The following FBXL2 variants were observed in gnomAD, a reference collection of about 807,000 sequenced individuals.
FBXL2 encodes the protein F-box and leucine rich repeat protein 2.
In FBXL2, 38 loss-of-function variants were observed where a neutral mutation model predicts 69.2. That is an observed-to-expected ratio of 0.55 (90% CI 0.42 to 0.72). FBXL2 has a LOEUF of 0.72. FBXL2 is among the 30% of genes least tolerant of loss of function. The pLI is 0.00. For missense variants in FBXL2, 354 were observed against 520.3 expected (o/e 0.68, Z 3.11); for synonymous variants, 192 against 201.3 (o/e 0.95, Z 0.39).
In FBXL2 at chr3:33,318,534, A is replaced by T. The variant is rs114262707; in HGVS notation, c.65+20809A>T. 7.1e-3 allele frequency among the ~76,000 whole-genome samples: 1,077 copies of T among 152,274 alleles called. 15 individuals are homozygous for T. The highest frequency in any genetic ancestry group is 0.024 in the African/African-American group (983 of 41,554). On this transcript the variant is annotated intron_variant, in intron 2 of 14. Coordinates refer to ENST00000484457, the MANE Select transcript of FBXL2 (RefSeq NM_012157.5). ...TGTCCAGATAATCATAAGCAATTAT[A>T]TTACATAACATGTCTTTATCTTGCC...
chr3:33,346,558 C>T (rs1437252794), intron 2 of FBXL2, among the ~76,000 whole-genome samples: 1 of 151,572 alleles, frequency 6.6e-6, no homozygotes, highest in Non-Finnish European at 1.5e-5. Context: ...GACCCCGTCT[C>T]TAAAAATAAA....
chr3:33,368,424 A>T (rs1420207240), intron 5 of FBXL2, among the ~76,000 whole-genome samples: 1 of 151,890 alleles, frequency 6.6e-6, no homozygotes, highest in Non-Finnish European at 1.5e-5. Flanking sequence ...TTTTTCATTG[A>T]TTGTCCTTCT....
intron 12 of FBXL2, among the ~76,000 whole-genome samples, chr3:33,398,983 A>T (rs2044118209): frequency 1.3e-5 from 2 of 152,236 alleles, no homozygotes; most frequent in African/African-American, 4.8e-5. Flanking sequence ...AGAGACAAAG[A>T]AGTACACGGG....
At chr3:33,292,995 A>C (rs2035391853) in intron 1 of FBXL2, among the ~76,000 whole-genome samples, 1 of 152,200 alleles carries the variant, frequency 6.6e-6, no homozygotes. Context: ...TATGCAGCAA[A>C]GTGACAAATG....
intron 2 of FBXL2, among the ~76,000 whole-genome samples, chr3:33,347,535 C>T (rs1370939775): frequency 6.6e-6 from 1 of 152,114 alleles, no homozygotes; most frequent in Non-Finnish European, 1.5e-5. Flanking sequence ...GGTATATACC[C>T]AGCAGTGGAA....
At chr3:33,365,338 G>A (rs968213700) in intron 5 of FBXL2, among the ~76,000 whole-genome samples, 12 of 150,756 alleles carry the variant, frequency 8.0e-5, no homozygotes, top group African/African-American at 2.7e-4. Flanking sequence ...GGAGTGCAAC[G>A]GCACAATCTC....
chr3:33,401,028 GGAGA>G (rs750484076), intron 12 of FBXL2: 1 of 1,581,866 alleles, frequency 6.3e-7, no homozygotes, highest in Non-Finnish European at 8.6e-7. Flanking sequence ...TGGGGAGAAA[GGAGA>G]AAGAAGGAAA....
chr3:33,384,165 C>A lies in FBXL2; in HGVS notation c.1128C>A (p.Cys376Ter). 1 of 1,614,130 alleles carries A rather than the reference C, an allele frequency of 6.2e-7. No individual in the cohort carries two copies. The highest frequency in any genetic ancestry group is 8.5e-7 in the Non-Finnish European group (1 of 1,180,012). Reference sequence around the variant, plus strand: ...TGGAGCGCCTCGAGCTGTACGACTGCCAGCAGGTTACCCGTGCAGGCATCA... The same window carrying A: ...TGGAGCGCCTCGAGCTGTACGACTGACAGCAGGTTACCCGTGCAGGCATCA... Reference protein sequence around the residue: ...RGLERLELYDCQQVTRAGIKR... With the variant: ...RGLERLELYD The change falls in exon 14 of 15, where the codon TGC becomes TGA. Residue 376 changes from cysteine (C) to a stop codon, truncating the protein, a stop_gained. Transcript: ENST00000484457. LOFTEE classifies it high-confidence loss of function.
At chr3:33,395,485 G>A (rs1266102155) in intron 12 of FBXL2, among the ~76,000 whole-genome samples, 2 of 151,732 alleles carry the variant, frequency 1.3e-5, no homozygotes, top group Non-Finnish European at 2.9e-5. Context: ...GTGAGAAGAG[G>A]GAGAAGCCAA....
the FBXL2 span, among the ~76,000 whole-genome samples, chr3:33,411,379 TA>T: frequency 6.6e-6 from 1 of 152,234 alleles, no homozygotes; most frequent in African/African-American, 2.4e-5. Flanking sequence ...AATAATGCTT[TA>T]CATATCATAG....
chr3:33,365,835 ATTGC>A (rs1389409875), intron 5 of FBXL2, among the ~76,000 whole-genome samples: 6 of 152,206 alleles, frequency 3.9e-5, no homozygotes, highest in Admixed American at 2.0e-4. Flanking sequence ...GGCCTCTAGT[ATTGC>A]TTATGAGTTT....
At chr3:33,304,473 CTGAT>C (rs1258484278) in intron 2 of FBXL2, among the ~76,000 whole-genome samples, 2 of 152,044 alleles carry the variant, frequency 1.3e-5, no homozygotes, top group African/African-American at 2.4e-5. Context: ...TCTTGTTGCT[CTGAT>C]TGGCTGTTGC....
chr3:33,348,551 G>T (rs2040614038), intron 2 of FBXL2, among the ~76,000 whole-genome samples: 1 of 152,086 alleles, frequency 6.6e-6, no homozygotes, highest in Admixed American at 6.5e-5. Context: ...TGTGAAGATT[G>T]TCATTCATAT....
chr3:33,287,199 GT>G (rs1248488682), intron 1 of FBXL2, among the ~76,000 whole-genome samples: 3 of 152,076 alleles, frequency 2.0e-5, no homozygotes, highest in African/African-American at 7.2e-5. Context: ...TTTACAGACA[GT>G]TTTTTGTCAT....
intron 2 of FBXL2, among the ~76,000 whole-genome samples, chr3:33,335,443 G>A (rs943868780): frequency 7.2e-5 from 11 of 152,080 alleles, no homozygotes; most frequent in African/African-American, 2.7e-4. Flanking sequence ...TTGTTGTCAA[G>A]TAAAATATTT....
At chr3:33,409,498 T>C in the FBXL2 span, 3 of 1,613,960 alleles carry the variant, frequency 1.9e-6, no homozygotes, top group African/African-American at 2.7e-5. Context: ...ATCTGTGTAT[T>C]CTCCATTTTC....
At chr3:33,396,071 A>G in intron 12 of FBXL2, 2 of 1,206,420 alleles carry the variant, frequency 1.7e-6, no homozygotes, top group Non-Finnish European at 2.3e-6. Context: ...CTAACACAGC[A>G]AGAGTTCTCC....
At chr3:33,372,984 CTTTAATTAAG>C in intron 5 of FBXL2, 98 bp from the exon 6 acceptor site, 2 of 918,276 alleles carry the variant, frequency 2.2e-6, no homozygotes, top group Non-Finnish European at 1.8e-6. Flanking sequence ...TTGTTACGCG[CTTTAATTAAG>C]TTTGAGGGAG....
chr3:33,387,790 T>C lies in FBXL2; in HGVS notation c.*2182T>C, dbSNP rs13087731. On this transcript the variant is annotated 3_prime_UTR_variant, in exon 15 of 15. Transcript: ENST00000484457. ...TTGTAAGAAAATCAGGTTTGCAGGC[T>C]GGGCACGGTGGCTCACGCCTGTAAT... 0.38 allele frequency: 58,466 copies of C among 152,046 alleles called. 11,560 individuals are homozygous for C. The highest frequency in any genetic ancestry group is 0.48 in the East Asian group (2,461 of 5,152). 9.4% of individuals were successfully genotyped at this position (152,046 alleles called of 1,614,324 possible).
Sources: allele counts gnomAD v4.1 joint callset (sites outside exome capture counted in the v4.1 genomes callset), GRCh38; gene constraint gnomAD v4.1.1; transcripts MANE v1.5; gene names NCBI Gene and HGNC (gene_info 2026-07-23, HGNC 2026-07-21).